Variants in CEP290 observed in about 807,000 individuals in gnomAD.
The protein encoded by CEP290 is centrosomal protein 290.
CEP290 carries 317 observed loss-of-function variants against 344.9 expected under a neutral mutation model. The observed-to-expected ratio is 0.92, with a 90% CI of 0.84 to 1.01. CEP290 has a LOEUF of 1.01. Among genes scored for constraint, CEP290 ranks in the 50% least tolerant of loss-of-function variants. The pLI, the probability that CEP290 is intolerant of heterozygous loss-of-function variation, is 0.00. For missense variants in CEP290, 2,754 were observed against 2,761.4 expected, an observed-to-expected ratio of 1.00 and a Z score of 0.06; for synonymous variants, 932 against 895.8, an observed-to-expected ratio of 1.04 and a Z score of -0.72.
In CEP290 at chr12:88,116,594, A is replaced by C. The variant is rs535730673; in HGVS notation, c.1824+439T>G. On this transcript the variant is annotated intron_variant, in intron 18 of 53. Transcript: ENST00000552810. ...CTTTGAATCAACAGGTTAAATAAGC[A>C]AATATTTCCCTCTACTTATTTAACA... Among the ~76,000 whole-genome samples, 11 of 152,340 alleles carry C rather than the reference A, an allele frequency of 7.2e-5. No homozygotes were observed. The East Asian group carries it at 1.9e-3, about 27-fold the overall frequency.
In CEP290 at chr12:88,053,691, C is replaced by A; in HGVS notation, c.7090G>T (p.Ala2364Ser). The change falls in exon 52 of 54, where the codon GCT (alanine) becomes TCT (serine). Residue 2364 changes from alanine (A) to serine (S), a missense_variant. By Grantham distance (99) the Ala-to-Ser change is moderately conservative. Transcript: ENST00000552810. ...TCAGCTCCACTTTGGTCCTTGTTAG[C>A]TTCTATCTGATGGATTAATTCTGCT... ...EKAELIHQIEANKDQSGAEST... is the reference protein window; with the variant it reads ...EKAELIHQIESNKDQSGAEST... 6.4e-7 allele frequency: 1 copy of A among 1,554,538 alleles called. No individual in the cohort carries two copies. The highest frequency in any genetic ancestry group is 8.7e-7 in the Non-Finnish European group (1 of 1,147,170).
In CEP290 at chr12:88,071,289, C is replaced by T; in HGVS notation, c.6011+5G>A. 1 of 1,596,704 alleles carries T rather than the reference C, an allele frequency of 6.3e-7. No homozygotes were observed. The highest frequency in any genetic ancestry group is 8.6e-7 in the Non-Finnish European group (1 of 1,168,958). ...TGGGTGGCACATTTCCACATAATAG[C>T]TTACCTCATATACAATATATCATTT... is the stretch of plus-strand genomic sequence containing the variant. On this transcript the variant is annotated splice_donor_5th_base_variant and intron_variant, in intron 43 of 53. Transcript: ENST00000552810.
Position 88,111,674 on chromosome 12 carries a change from T to C in CEP290, c.2217+20A>G. The C allele has an allele frequency of 6.5e-7, 1 of 1,541,210 alleles. No homozygotes were observed. Among genetic ancestry groups the C allele is most frequent in the Non-Finnish European group, 8.7e-7 (1 of 1,151,190 alleles). ...ACATTCTTATGTTTAGCATTTTCTT[T>C]TATTTAATAAAATTCTCACCTTTAA... On this transcript the variant is annotated intron_variant, in intron 21 of 53. Transcript: ENST00000552810.
At chr12:88,072,030 T>G (rs2035416167) in intron 41 of CEP290, 104 bp from the exon 42 acceptor site, 1 of 1,039,292 alleles carries the variant, frequency 9.6e-7, no homozygotes, top group Non-Finnish European at 1.3e-6. Context: ...AACTAATATT[T>G]CCTAGAGAAT....
intron 26 of CEP290, among the ~76,000 whole-genome samples, chr12:88,101,875 CCT>C (rs2037918831): frequency 6.6e-6 from 1 of 152,048 alleles, no homozygotes. Context: ...AACATAATCA[CCT>C]CTCTTTGGCA....
chr12:88,060,954 G>GT lies in CEP290; in HGVS notation c.6397dup (p.Thr2133AsnfsTer10). 2 of 1,560,866 alleles carry GT rather than the reference G, an allele frequency of 1.3e-6. No individual in the cohort carries two copies. The highest frequency in any genetic ancestry group is 1.2e-5 in the South Asian group (1 of 83,526). On this transcript the variant is annotated frameshift_variant, in exon 47 of 54. Coordinates refer to ENST00000552810, the MANE Select transcript of CEP290 (RefSeq NM_025114.4). LOFTEE classifies it high-confidence loss of function. ...AACTACTTTTTTCATTAAACCAATG[G>GT]TTTTTTCCAGTTCTGGGATTGTCTT...
At position 88,096,869 on chromosome 12, in the gene CEP290, T is replaced by C. The variant is rs904040491; in HGVS notation, c.3103+19A>G. 4 of 1,168,174 alleles carry C rather than the reference T, an allele frequency of 3.4e-6. No homozygotes were observed. Among genetic ancestry groups the C allele is most frequent in the Non-Finnish European group, 3.7e-6 (3 of 814,722 alleles). 72.4% of individuals were successfully genotyped at this position (1,168,174 alleles called of 1,614,324 possible). A position where few individuals can be genotyped will look rare whatever the true frequency, so the allele number is the denominator to read the frequency against. ...ATTAGATGTTAATCATTTTATATTATCAGAGTCATAAAACTTACCTAATTT... is the reference window on the plus strand; with the variant it reads ...ATTAGATGTTAATCATTTTATATTACCAGAGTCATAAAACTTACCTAATTT... On this transcript the variant is annotated intron_variant, in intron 27 of 53. Transcript: ENST00000552810.
chr12:88,088,135 G>A (rs1253486419), intron 31 of CEP290, among the ~76,000 whole-genome samples, 191 bp from the exon 32 acceptor site: 1 of 151,982 alleles, frequency 6.6e-6, no homozygotes, highest in African/African-American at 2.4e-5. Context: ...AAATATGTGG[G>A]ATTTTACAAT....
At chr12:88,088,987 C>T in intron 31 of CEP290, 45 bp downstream of exon 31, 1 of 1,369,716 alleles carries the variant, frequency 7.3e-7, no homozygotes, top group Non-Finnish European at 9.8e-7. Context: ...GGAAACAGAT[C>T]AAGATACTGT....
At chr12:88,129,266 C>T (rs1007289548) in intron 10 of CEP290, among the ~76,000 whole-genome samples, 4 of 151,858 alleles carry the variant, frequency 2.6e-5, no homozygotes, top group African/African-American at 2.4e-5. Context: ...CTTATAATTG[C>T]ATAATTATCT....
rs1170407252 is a variant in CEP290 at position 88,093,837 on chromosome 12, T to A, written c.3242A>T (p.Glu1081Val). 1 of 1,612,982 alleles carries A rather than the reference T, an allele frequency of 6.2e-7. No homozygotes were observed. The highest frequency in any genetic ancestry group is 8.5e-7 in the Non-Finnish European group (1 of 1,179,354). Residue 1081 changes from glutamate (E) to valine (V), a missense_variant, in exon 28 of 54, where the codon GAA (glutamate) becomes GTA (valine). Coordinates refer to ENST00000552810, the MANE Select transcript of CEP290 (RefSeq NM_025114.4). Reference protein sequence around the residue: ...QRAEHCQKMYEHLRTSLKQME... With the variant: ...QRAEHCQKMYVHLRTSLKQME... ...TTGCTTTAACGAAGTCCGTAAGTGT[T>A]CATACATTTTTTGACAATGTTCAGC...
chr12:88,103,032 T>G, intron 25 of CEP290, 21 bp from the exon 26 acceptor site: 1 of 1,475,366 alleles, frequency 6.8e-7, no homozygotes, highest in South Asian at 1.5e-5. Flanking sequence ...AAAGATACAC[T>G]GAGTTATGCT....
At position 88,111,216 on chromosome 12, in the gene CEP290, T is replaced by A. The variant is rs1257701359; in HGVS notation, c.2353A>T (p.Ile785Leu). The change falls in exon 22 of 54, where the codon ATA (isoleucine) becomes TTA (leucine). Residue 785 changes from isoleucine (I) to leucine (L), a missense_variant. Ile to Leu is a conservative substitution (Grantham distance 5). Coordinates refer to ENST00000552810, the MANE Select transcript of CEP290 (RefSeq NM_025114.4). ...ATTTTCAATACCTGTAACAAATGTA[T>A]TAAATATTCATTCTGAGAATTAATG... ...SIINSQNEYL[I>L]HLLQELENKE... The A allele has an allele frequency of 1.4e-6, 2 of 1,402,932 alleles. No homozygotes were observed. The highest frequency in any genetic ancestry group is 3.2e-5 in the Admixed American group (1 of 31,570). The allele number at this position is 1,402,932 out of a possible 1,614,324, so 86.9% of individuals were successfully genotyped here. A position where few individuals can be genotyped will look rare whatever the true frequency, so the allele number is the denominator to read the frequency against.
intron 5 of CEP290, among the ~76,000 whole-genome samples, chr12:88,138,285 C>T (rs1021720480): frequency 6.6e-6 from 1 of 152,206 alleles, no homozygotes; most frequent in African/African-American, 2.4e-5. Flanking sequence ...ATATCTTCAA[C>T]TGTGCTACCC....
At chr12:88,139,361 T>C (rs1044825266) in intron 4 of CEP290, 134 bp downstream of exon 4, 1 of 531,052 alleles carries the variant, frequency 1.9e-6, no homozygotes, top group Non-Finnish European at 2.9e-6. Context: ...TAGAAATATT[T>C]ATTATTAAAT....
At chr12:88,080,440 AT>A in intron 37 of CEP290, 45 bp from the exon 38 acceptor site, 7 of 1,459,406 alleles carry the variant, frequency 4.8e-6, no homozygotes, top group Non-Finnish European at 3.8e-6. Context: ...TTAATTTTTA[AT>A]TTTTTTGAGA....
At chr12:88,089,731 T>G (rs892146150) in intron 30 of CEP290, among the ~76,000 whole-genome samples, 8 of 150,322 alleles carry the variant, frequency 5.3e-5, no homozygotes, top group African/African-American at 1.7e-4. Flanking sequence ...CTGGTGTTTT[T>G]TTTTTTTTTT....
rs772840408 is a variant in CEP290 at position 88,117,028 on chromosome 12, A to G, written c.1824+5T>C. On this transcript the variant is annotated splice_donor_5th_base_variant and intron_variant, in intron 18 of 53. Coordinates refer to ENST00000552810, the MANE Select transcript of CEP290 (RefSeq NM_025114.4). ...TTTACTCTCTTTGCAATACTTTACT[A>G]TTACCTTTGATTGTGCTTCACTCAT... 2.3e-6 allele frequency: 3 copies of G among 1,326,714 alleles called. No homozygotes were observed. The highest frequency in any genetic ancestry group is 3.2e-6 in the Non-Finnish European group (3 of 947,036). The allele number at this position is 1,326,714 out of a possible 1,614,324, so 82.2% of individuals were successfully genotyped here. A position where few individuals can be genotyped will look rare whatever the true frequency, so the allele number is the denominator to read the frequency against.
chr12:88,119,500 T>C (rs2039271439), intron 15 of CEP290, among the ~76,000 whole-genome samples: 1 of 152,122 alleles, frequency 6.6e-6, no homozygotes, highest in Non-Finnish European at 1.5e-5. Context: ...CTTAAAAATC[T>C]TTAAAAGATT....
Sources: gnomAD v4.1 joint callset for allele counts (sites outside exome capture counted in the v4.1 genomes callset) on GRCh38, gnomAD v4.1.1 for gene constraint, MANE v1.5 for transcripts, NCBI Gene and HGNC (gene_info 2026-07-23, HGNC 2026-07-21) for gene names.